The following SEC11A variants were observed in gnomAD, a reference collection of about 807,000 sequenced individuals.
SEC11A encodes the protein SEC11 homolog A, signal peptidase complex subunit.
Under a neutral mutation model 25.6 loss-of-function variants are expected in SEC11A, and 14 were observed. The observed-to-expected ratio is 0.55, with a 90% confidence interval of 0.36 to 0.85. The LOEUF (loss-of-function observed/expected upper bound fraction) is 0.85. Ranked by LOEUF, SEC11A falls within the 40% of genes least tolerant of loss-of-function variation. The probability of loss-of-function intolerance (pLI) is 0.01; values close to 1 mark genes in which losing one functional copy is unlikely to be tolerated. For missense variants in SEC11A, 153 were observed against 222.9 expected, an observed-to-expected ratio of 0.69 and a Z score of 2.00; for synonymous variants, 83 against 76.4, an observed-to-expected ratio of 1.09 and a Z score of -0.45.
At chr15:84,703,735 T>C (rs573853727) in intron 1 of SEC11A, among the ~76,000 whole-genome samples, 1 of 152,292 alleles carries the variant, frequency 6.6e-6, no homozygotes, top group Admixed American at 6.5e-5. Flanking sequence ...GGACAGCGAC[T>C]TGGAGGGGAC....
intron 1 of SEC11A, among the ~76,000 whole-genome samples, chr15:84,695,102 A>T: frequency 6.7e-6 from 1 of 148,762 alleles, no homozygotes; most frequent in East Asian, 2.0e-4. Context: ...AAAAAAAAAA[A>T]AAAAAAAAAA....
rs1396381791 is a variant in SEC11A at position 84,716,008 on chromosome 15, A to G, written c.51+17T>C. On this transcript the variant is annotated intron_variant, in intron 1 of 5. Transcript: ENST00000268220. ...GGACAAGAAGAGCCAGGAGAAAAAG[A>G]GGACGGACAAGCTCACCTGCCGCTT... 3 of 1,612,564 alleles carry G rather than the reference A, an allele frequency of 1.9e-6. No individual in the cohort carries two copies. In the Admixed American group the frequency reaches 5.0e-5, roughly 27 times the overall value.
chr15:84,702,462 G>A (rs945392637), intron 1 of SEC11A, among the ~76,000 whole-genome samples: 13 of 145,484 alleles, frequency 8.9e-5, no homozygotes, highest in Admixed American at 7.6e-4. Context: ...GCGAAACTCC[G>A]TCTCAAAAAA....
intron 1 of SEC11A, among the ~76,000 whole-genome samples, chr15:84,714,561 T>C (rs998687805): frequency 2.6e-5 from 4 of 152,162 alleles, no homozygotes; most frequent in Non-Finnish European, 5.9e-5. Flanking sequence ...AAAGTAAACA[T>C]AGGCACAGAC....
chr15:84,713,051 G>A (rs1204582809), intron 1 of SEC11A, among the ~76,000 whole-genome samples: 8 of 152,068 alleles, frequency 5.3e-5, no homozygotes, highest in East Asian at 1.9e-4. Flanking sequence ...AAAATTAGCC[G>A]GGTGTGGTGG....
In SEC11A at chr15:84,716,035, T is replaced by G. The variant is rs1898457103; in HGVS notation, c.41A>C (p.Asn14Thr). Residue 14 changes from asparagine (N) to threonine (T), a missense_variant, in exon 1 of 6, where the codon AAC (asparagine) becomes ACC (threonine). Physicochemically the swap from Asn to Thr is moderately conservative, Grantham distance 65. Coordinates refer to ENST00000268220, the MANE Select transcript of SEC11A (RefSeq NM_014300.4). The stretch of plus-strand genomic sequence containing the variant: ...GACGGACAAGCTCACCTGCCGCTTG[T>G]TCATCCGCCGCACATCGTCCAAAAA... The part of the protein sequence containing the change: ...LDFLDDVRRM[N>T]KRQLYYQVLN... The G allele has an allele frequency of 6.2e-7, 1 of 1,613,620 alleles. No homozygotes were observed. The highest frequency in any genetic ancestry group is 2.2e-5 in the East Asian group (1 of 44,876).
intron 1 of SEC11A, 114 bp from the exon 2 acceptor site, chr15:84,691,758 C>A: frequency 3.3e-6 from 2 of 600,290 alleles, no homozygotes; most frequent in Non-Finnish European, 3.0e-6. Flanking sequence ...AACTACAGTT[C>A]TGAGACATTC....
intron 2 of SEC11A, among the ~76,000 whole-genome samples, chr15:84,690,703 T>A (rs1472762419): frequency 6.6e-6 from 1 of 152,134 alleles, no homozygotes; most frequent in Non-Finnish European, 1.5e-5. Flanking sequence ...TTTGTCACCA[T>A]AAGAGATGGT....
At chr15:84,671,091 G>C (rs929826131) in intron 4 of SEC11A, 1 of 199,726 alleles carries the variant, frequency 5.0e-6, no homozygotes, top group African/African-American at 2.3e-5. Flanking sequence ...TGTTGATACA[G>C]TGCTAGGGGC....
At chr15:84,704,458 C>T (rs2141917397) in intron 1 of SEC11A, among the ~76,000 whole-genome samples, 1 of 152,268 alleles carries the variant, frequency 6.6e-6, no homozygotes, top group East Asian at 1.9e-4. Flanking sequence ...CCTTGTGTTA[C>T]TCAAGCTGAA....
At position 84,674,928 on chromosome 15, in the gene SEC11A, A is replaced by G. The variant is rs116017362; in HGVS notation, c.432-4146T>C. On this transcript the variant is annotated intron_variant, in intron 4 of 5. Coordinates refer to ENST00000268220, the MANE Select transcript of SEC11A (RefSeq NM_014300.4). ...GTGAAATGAAAGCAACTTGGTCTTT[A>G]GGAGTAATATAAGCAAGATCTAAGG... Among the ~76,000 whole-genome samples, 802 of 152,302 alleles carry G rather than the reference A, an allele frequency of 5.3e-3. 7 individuals are homozygous for G. Among genetic ancestry groups the G allele is most frequent in the African/African-American group, 0.017 (714 of 41,562 alleles).
intron 1 of SEC11A, among the ~76,000 whole-genome samples, chr15:84,696,780 G>T (rs556355568): frequency 6.6e-6 from 1 of 152,208 alleles, no homozygotes; most frequent in South Asian, 2.1e-4. Flanking sequence ...AAAACCCACA[G>T]TTCACGTCTA....
At chr15:84,714,718 C>T (rs548474096) in intron 1 of SEC11A, 3 of 152,106 alleles carry the variant, frequency 2.0e-5, no homozygotes, top group Non-Finnish European at 4.4e-5. Flanking sequence ...TTAATAAGAA[C>T]AACGTTACCT....
In SEC11A at chr15:84,703,959, A is replaced by G. The variant is rs144186650; in HGVS notation, c.51+12066T>C. On this transcript the variant is annotated intron_variant, in intron 1 of 5. Transcript: ENST00000268220. ...CCCAGCCACCTGTCTTACCCAACGGACTCATGACCAAAGTGGCTGCAGCAG... is the reference window on the plus strand; with the variant it reads ...CCCAGCCACCTGTCTTACCCAACGGGCTCATGACCAAAGTGGCTGCAGCAG... 1.6e-4 allele frequency among the ~76,000 whole-genome samples: 24 copies of G among 152,212 alleles called. 1 individual carries two copies. Among genetic ancestry groups the G allele is most frequent in the Admixed American group, 9.8e-4 (15 of 15,280 alleles).
intron 4 of SEC11A, chr15:84,679,228 T>C: frequency 8.2e-7 from 1 of 1,212,672 alleles, no homozygotes; most frequent in Non-Finnish European, 1.1e-6. Flanking sequence ...ATAATCACAT[T>C]AGCAGCATCT....
intron 2 of SEC11A, among the ~76,000 whole-genome samples, chr15:84,689,327 A>G (rs969050880): frequency 5.3e-5 from 8 of 152,166 alleles, no homozygotes; most frequent in African/African-American, 1.9e-4. Flanking sequence ...GATTGTGATG[A>G]TGGTTTCACA....
chr15:84,687,293 C>T (rs935594025), intron 3 of SEC11A, among the ~76,000 whole-genome samples: 1 of 152,138 alleles, frequency 6.6e-6, no homozygotes, highest in Non-Finnish European at 1.5e-5. Context: ...GGATTGTAGG[C>T]GTGAGCCACT....
intron 4 of SEC11A, chr15:84,679,183 G>GA: frequency 1.3e-6 from 1 of 772,872 alleles, no homozygotes; most frequent in Non-Finnish European, 1.8e-6. Flanking sequence ...ATAATTTGAG[G>GA]AAAAACAAAG....
chr15:84,712,595 G>A (rs904282846), intron 1 of SEC11A, among the ~76,000 whole-genome samples: 10 of 151,664 alleles, frequency 6.6e-5, no homozygotes, highest in South Asian at 2.1e-4. Context: ...TTACAGGTGC[G>A]CACCACCATG....
Sources: allele counts gnomAD v4.1 joint callset (sites outside exome capture counted in the v4.1 genomes callset), GRCh38; gene constraint gnomAD v4.1.1; transcripts MANE v1.5; gene names NCBI Gene and HGNC (gene_info 2026-07-23, HGNC 2026-07-21).